Variants in GPBP1L1 observed in about 807,000 individuals in gnomAD.
GPBP1L1 encodes vasculin-like protein 1.
Under a neutral mutation model 52.5 loss-of-function variants are expected in GPBP1L1, and 23 were observed. The observed-to-expected ratio is 0.44, with a 90% CI of 0.32 to 0.62. GPBP1L1 has a LOEUF of 0.62. Among genes scored for constraint, GPBP1L1 ranks in the 20% least tolerant of loss-of-function variants. The pLI, the probability that GPBP1L1 is intolerant of heterozygous loss-of-function variation, is 0.06. For synonymous variants in GPBP1L1, 243 were observed against 203.1 expected (o/e 1.20, Z -1.67); for missense variants, 596 against 579.3 (o/e 1.03, Z -0.30).
rs758483170 is a variant in GPBP1L1 at position 45,654,667 on chromosome 1, C to T, written c.353G>A (p.Arg118His). 53 of 1,614,032 alleles carry T rather than the reference C, an allele frequency of 3.3e-5. No individual in the cohort carries two copies. Among genetic ancestry groups the T allele is most frequent in the Non-Finnish European group, 4.2e-5 (49 of 1,180,024 alleles). The change falls in exon 6 of 13, where the codon CGC becomes CAC. Residue 118 changes from arginine (R) to histidine (H), a missense_variant. Transcript: ENST00000355105. ...QRSGGGTGNHRHWNGSFHSRK... is the reference protein window; with the variant it reads ...QRSGGGTGNHHHWNGSFHSRK... Reference sequence around the variant, plus strand: ...GGAGTGGAAGCTGCCATTCCAATGGCGATGGTTCCCTGTGCCACCTCCACT... The same window carrying T: ...GGAGTGGAAGCTGCCATTCCAATGGTGATGGTTCCCTGTGCCACCTCCACT...
chr1:45,645,127 T>C (rs943884056), intron 6 of GPBP1L1, among the ~76,000 whole-genome samples: 3 of 152,212 alleles, frequency 2.0e-5, no homozygotes, highest in Non-Finnish European at 2.9e-5. Flanking sequence ...CTTTACTTCT[T>C]TGTTATCTAG....
rs528218927 is a variant in GPBP1L1, at chr1:45,660,277, C to T, written c.-149G>A. 5.0e-5 allele frequency: 49 copies of T among 985,312 alleles called. No individual in the cohort carries two copies. In the African/African-American group the frequency reaches 8.4e-4, roughly 17 times the overall value. 61.0% of individuals were successfully genotyped at this position (985,312 alleles called of 1,614,324 possible). A position where few individuals can be genotyped will look rare whatever the true frequency, so the allele number is the denominator to read the frequency against. Reference sequence around the variant, plus strand: ...CCTTGTTAAAAGGGTGCTTAAGTAACCTGGCCGGCAGCACGACTTATGATG... The same window carrying T: ...CCTTGTTAAAAGGGTGCTTAAGTAATCTGGCCGGCAGCACGACTTATGATG... On this transcript the variant is annotated 5_prime_UTR_variant, in exon 3 of 13. Transcript: ENST00000355105.
intron 2 of GPBP1L1, among the ~76,000 whole-genome samples, chr1:45,677,655 A>G (rs529144081): frequency 6.6e-6 from 1 of 152,382 alleles, no homozygotes; most frequent in East Asian, 1.9e-4. Flanking sequence ...TCACAAATTC[A>G]ACGACAACAA....
intron 6 of GPBP1L1, among the ~76,000 whole-genome samples, chr1:45,643,871 T>G (rs1012056393): frequency 1.3e-5 from 2 of 152,034 alleles, no homozygotes; most frequent in Non-Finnish European, 2.9e-5. Flanking sequence ...GGTTTCACCA[T>G]GCTGGCCAGG....
At chr1:45,655,045 T>C (rs953452487) in intron 5 of GPBP1L1, 145 bp downstream of exon 5, 5 of 1,058,324 alleles carry the variant, frequency 4.7e-6, no homozygotes, top group Middle Eastern at 2.2e-4. Context: ...AAAGCCAATG[T>C]AGTTGCGTAA....
At chr1:45,648,757 G>T (rs1455974825) in intron 6 of GPBP1L1, among the ~76,000 whole-genome samples, 8 of 152,232 alleles carry the variant, frequency 5.3e-5, no homozygotes, top group Non-Finnish European at 1.2e-4. Context: ...GCTGAGCACA[G>T]TGGCTCACGC....
intron 2 of GPBP1L1, among the ~76,000 whole-genome samples, chr1:45,664,081 C>T (rs899998465): frequency 1.3e-5 from 2 of 151,930 alleles, no homozygotes; most frequent in Non-Finnish European, 2.9e-5. Flanking sequence ...GCCTGTAATC[C>T]CAGCACTTTG....
At chr1:45,684,994 T>C (rs969151171) in intron 2 of GPBP1L1, among the ~76,000 whole-genome samples, 3 of 152,122 alleles carry the variant, frequency 2.0e-5, no homozygotes, top group Non-Finnish European at 1.5e-5. Context: ...TCAGCACCTT[T>C]CCAAATATTG....
At chr1:45,672,863 C>T (rs1569874132) in intron 2 of GPBP1L1, among the ~76,000 whole-genome samples, 4 of 152,124 alleles carry the variant, frequency 2.6e-5, no homozygotes, top group Admixed American at 2.6e-4. Context: ...ACTGGATTCA[C>T]ATGGAAGTGT....
At chr1:45,673,816 G>T (rs902698076) in intron 2 of GPBP1L1, among the ~76,000 whole-genome samples, 9 of 152,110 alleles carry the variant, frequency 5.9e-5, no homozygotes, top group African/African-American at 1.9e-4. Context: ...CCAAGATCAC[G>T]CCACTGCACT....
intron 11 of GPBP1L1, among the ~76,000 whole-genome samples, chr1:45,630,272 A>G (rs553147824): frequency 6.6e-6 from 1 of 152,312 alleles, no homozygotes; most frequent in Admixed American, 6.5e-5. Context: ...GTATTAAAGT[A>G]TTGGAGAGTA....
rs777632422 is a variant in GPBP1L1, at chr1:45,633,643, G to A, written c.890C>T (p.Pro297Leu). The A allele has an allele frequency of 6.2e-7, 1 of 1,613,340 alleles. No homozygotes were observed. The highest frequency in any genetic ancestry group is 2.2e-5 in the East Asian group (1 of 44,850). Reference protein sequence around the residue: ...GAALSSPKESPSSTTPPIEIS... With the variant: ...GAALSSPKESLSSTTPPIEIS... ...CTCAATTGGAGGGGTGGTGCTGGAGGGACTCTGGGCAAATACCACAAACAG... is the reference window on the plus strand; with the variant it reads ...CTCAATTGGAGGGGTGGTGCTGGAGAGACTCTGGGCAAATACCACAAACAG... Residue 297 changes from proline to leucine, a missense_variant, in exon 10 of 13, where the codon CCC (proline) becomes CTC (leucine). Pro to Leu is a moderately conservative substitution (Grantham distance 98, BLOSUM62 -3). Coordinates refer to ENST00000355105, the MANE Select transcript of GPBP1L1 (RefSeq NM_021639.5).
At chr1:45,672,681 A>G (rs896213356) in intron 2 of GPBP1L1, among the ~76,000 whole-genome samples, 1 of 152,238 alleles carries the variant, frequency 6.6e-6, no homozygotes, top group Non-Finnish European at 1.5e-5. Context: ...TCATCAACAA[A>G]GTGAACGTAA....
In GPBP1L1 at chr1:45,628,059, C is replaced by A; in HGVS notation, c.*197G>T. On this transcript the variant is annotated 3_prime_UTR_variant, in exon 13 of 13. Transcript: ENST00000355105. ...AAAATCTGTCCCACCACACAAACTTCTCTCTATAAAGCAGATAACAGGGAA... is the reference window on the plus strand; with the variant it reads ...AAAATCTGTCCCACCACACAAACTTATCTCTATAAAGCAGATAACAGGGAA... 1 of 568,886 alleles carries A rather than the reference C, an allele frequency of 1.8e-6. No homozygotes were observed. The highest frequency in any genetic ancestry group is 3.1e-6 in the Non-Finnish European group (1 of 322,390). The allele number at this position is 568,886 out of a possible 1,614,324, so 35.2% of individuals were successfully genotyped here. A position where few individuals can be genotyped will look rare whatever the true frequency, so the allele number is the denominator to read the frequency against.
At chr1:45,684,549 G>T (rs1390664903) in intron 2 of GPBP1L1, among the ~76,000 whole-genome samples, 1 of 152,040 alleles carries the variant, frequency 6.6e-6, no homozygotes. Context: ...GAGCAATCTA[G>T]TAAATTGAAT....
intron 6 of GPBP1L1, among the ~76,000 whole-genome samples, chr1:45,649,778 T>C (rs1189347248): frequency 6.6e-6 from 1 of 152,202 alleles, no homozygotes. Flanking sequence ...TTGAAGATTA[T>C]TAACACTTCC....
chr1:45,659,531 T>A (rs1644922895), intron 3 of GPBP1L1, among the ~76,000 whole-genome samples: 1 of 152,164 alleles, frequency 6.6e-6, no homozygotes, highest in Non-Finnish European at 1.5e-5. Context: ...AGCTAATGAA[T>A]TCTTGATTGT....
intron 1 of GPBP1L1, 58 bp downstream of exon 1, chr1:45,686,354 C>T (rs1480056254): frequency 6.6e-6 from 1 of 152,538 alleles, no homozygotes. Flanking sequence ...CGGGCGGAGC[C>T]CCGCGCCAGA....
Position 45,655,334 on chromosome 1 carries a change from T to A in GPBP1L1, c.61-15A>T. 6.2e-7 allele frequency: 1 copy of A among 1,613,576 alleles called. No homozygotes were observed. The highest frequency in any genetic ancestry group is 8.5e-7 in the Non-Finnish European group (1 of 1,179,562). On this transcript the variant is annotated splice_polypyrimidine_tract_variant and intron_variant, in intron 4 of 12. Coordinates refer to ENST00000355105, the MANE Select transcript of GPBP1L1 (RefSeq NM_021639.5). The stretch of plus-strand genomic sequence containing the variant: ...GCAGTAGGTGACTAAGATGATGAAG[T>A]ATGGAGAGGCAAATGGATAAATAGC...
Sources: allele counts gnomAD v4.1 joint callset (sites outside exome capture counted in the v4.1 genomes callset), GRCh38; gene constraint gnomAD v4.1.1; transcripts MANE v1.5; gene names NCBI Gene and HGNC (gene_info 2026-07-23, HGNC 2026-07-21).